HEBP2: variants seen among roughly 807,000 people sequenced by gnomAD.
The protein encoded by HEBP2 is heme-binding protein 2.
Under a neutral mutation model 23.1 loss-of-function variants are expected in HEBP2, and 27 were observed. The ratio of observed to expected loss-of-function variants is 1.17; its 90% CI spans 0.86 to 1.61. HEBP2 has a LOEUF of 1.61. Ranked by LOEUF, HEBP2 falls within the 40% of genes most tolerant of loss-of-function variation. HEBP2 has a pLI of 0.00. For missense variants in HEBP2, 245 were observed against 253.8 expected, an observed-to-expected ratio of 0.97 and a Z score of 0.24; for synonymous variants, 99 against 95.1, an observed-to-expected ratio of 1.04 and a Z score of -0.24.
At chr6:138,412,750 G>A (rs1003769773) in intron 3 of HEBP2, 130 bp from the exon 4 acceptor site, 74 of 758,530 alleles carry the variant, frequency 9.8e-5, no homozygotes, top group Admixed American at 2.5e-5. Flanking sequence ...CACCTCGCCT[G>A]GCCGAGAGGG....
At position 138,412,971 on chromosome 6, in the gene HEBP2, GAGA is replaced by G. The variant is rs1436896997; in HGVS notation, c.514_516del (p.Lys172del). Reference sequence around the variant, plus strand: ...AAGGGAAGATGGAAAAGTTTTCGATGAGAAGGTTTACTACACTGCAGGCTACAA... The same window carrying G: ...AAGGGAAGATGGAAAAGTTTTCGATGAGGTTTACTACACTGCAGGCTACAA... On this transcript the variant is annotated inframe_deletion, in exon 4 of 4. Coordinates refer to ENST00000607197, the MANE Select transcript of HEBP2 (RefSeq NM_014320.3). The G allele has an allele frequency of 1.9e-6, 3 of 1,614,068 alleles. No individual in the cohort carries two copies. The highest frequency in any genetic ancestry group is 2.2e-5 in the East Asian group (1 of 44,888).
At chr6:138,407,392 A>G (rs1442305911) in intron 3 of HEBP2, among the ~76,000 whole-genome samples, 4 of 152,236 alleles carry the variant, frequency 2.6e-5, no homozygotes, top group East Asian at 1.9e-4. Context: ...AGTAAGTTCT[A>G]AATCTTCAGA....
At chr6:138,403,845 G>A (rs573812078), upstream of HEBP2, 32 of 399,394 alleles carry the variant, frequency 8.0e-5, no homozygotes, top group Non-Finnish European at 1.3e-4. Flanking sequence ...TTCTCTCCAT[G>A]TGTCTGTGGT....
In HEBP2 at chr6:138,413,128, T is replaced by C. The variant is rs770538268; in HGVS notation, c.*50T>C. On this transcript the variant is annotated 3_prime_UTR_variant, in exon 4 of 4. Coordinates refer to ENST00000607197, the MANE Select transcript of HEBP2 (RefSeq NM_014320.3). ...TCAGAGGCAAAACATCTGTTTATCA[T>C]AGACATCAACATGACCTATAAGTAA... 6.3e-6 allele frequency: 9 copies of C among 1,417,558 alleles called. No individual in the cohort carries two copies. Among genetic ancestry groups the C allele is most frequent in the South Asian group, 5.8e-5 (5 of 85,504 alleles). 87.8% of individuals were successfully genotyped at this position (1,417,558 alleles called of 1,614,324 possible).
chr6:138,421,594 C>CCAT lies in HEBP2; in HGVS notation c.*8519_*8521dup, dbSNP rs1774931572. 1 of 152,110 alleles carries CCAT rather than the reference C, an allele frequency of 6.6e-6. No homozygotes were observed. The highest frequency in any genetic ancestry group is 2.4e-5 in the African/African-American group (1 of 41,414). The allele number at this position is 152,110 out of a possible 1,614,324, so 9.4% of individuals were successfully genotyped here. A position where few individuals can be genotyped will look rare whatever the true frequency, so the allele number is the denominator to read the frequency against. On this transcript the variant is annotated 3_prime_UTR_variant, in exon 4 of 4. Coordinates refer to ENST00000607197, the MANE Select transcript of HEBP2 (RefSeq NM_014320.3). ...AACTTAAAGTATGAGGGTATGAGAG[C>CCAT]CATCAGATCTACCCCTGTGGAGCTT...
Position 138,405,195 on chromosome 6 carries a change from G to T in HEBP2, c.153G>T (p.Thr51=), listed in dbSNP as rs760890007. 1.9e-6 allele frequency: 3 copies of T among 1,614,146 alleles called. No homozygotes were observed. The highest frequency in any genetic ancestry group is 1.7e-6 in the Non-Finnish European group (2 of 1,179,988). Residue 51 remains threonine, a synonymous_variant, in exon 2 of 4, where the codon ACG becomes ACT. Transcript: ENST00000607197. ...ATGGACCAGCCAAGTGGGTCAGCACGTCCGTGGAGTCTATGGACTGGGATT... is the reference window on the plus strand; with the variant it reads ...ATGGACCAGCCAAGTGGGTCAGCACTTCCGTGGAGTCTATGGACTGGGATT... The part of the protein sequence containing the change: ...RHYGPAKWVS[T]SVESMDWDSA...
In HEBP2 at chr6:138,405,124, GT is replaced by G. The variant is rs756926060; in HGVS notation, c.103-17del. The G allele has an allele frequency of 5.1e-5, 82 of 1,602,908 alleles. No homozygotes were observed. Among genetic ancestry groups the G allele is most frequent in the Non-Finnish European group, 6.6e-5 (78 of 1,176,928 alleles). On this transcript the variant is annotated intron_variant, in intron 1 of 3. Transcript: ENST00000607197. ...TACCCTCTTAGAATTGCTTCTCGAA[GT>G]TTTCTCTGTTCCACTTTAGCCCGGA... is the stretch of plus-strand genomic sequence containing the variant.
chr6:138,407,890 G>T (rs1216773531), intron 3 of HEBP2, among the ~76,000 whole-genome samples: 1 of 152,182 alleles, frequency 6.6e-6, no homozygotes, highest in Admixed American at 6.5e-5. Context: ...TGAACCTGGG[G>T]CATCCAAGGA....
chr6:138,409,370 CAATT>C (rs138478863), intron 3 of HEBP2, among the ~76,000 whole-genome samples: 4,948 of 152,284 alleles, frequency 0.032, 89 homozygotes, highest in South Asian at 0.043. Context: ...ATGTTCCTGA[CAATT>C]GATTGTCAAA....
chr6:138,410,932 A>T (rs1352103039), intron 3 of HEBP2, among the ~76,000 whole-genome samples: 1 of 152,210 alleles, frequency 6.6e-6, no homozygotes, highest in Non-Finnish European at 1.5e-5. Context: ...ATTAAAAGGG[A>T]ACTGCATGCC....
In HEBP2 at chr6:138,421,476, A is replaced by G. The variant is rs1355005564; in HGVS notation, c.*8398A>G. 3.9e-5 allele frequency: 6 copies of G among 152,316 alleles called. No homozygotes were observed. The South Asian group carries it at 6.2e-4, about 16-fold the overall frequency. 9.4% of individuals were successfully genotyped at this position (152,316 alleles called of 1,614,324 possible). A position where few individuals can be genotyped will look rare whatever the true frequency, so the allele number is the denominator to read the frequency against. On this transcript the variant is annotated 3_prime_UTR_variant, in exon 4 of 4. Coordinates refer to ENST00000607197, the MANE Select transcript of HEBP2 (RefSeq NM_014320.3). ...GCAGATCGCATTGAGGTTGTTTCCA[A>G]CTGACAGACCAAGCAGTAATTTGTT...
Position 138,421,630 on chromosome 6 carries a change from G to A in HEBP2, c.*8552G>A, listed in dbSNP as rs1024837134. The A allele has an allele frequency of 2.0e-5, 3 of 152,128 alleles. No homozygotes were observed. Among genetic ancestry groups the A allele is most frequent in the Non-Finnish European group, 2.9e-5 (2 of 68,018 alleles). 9.4% of individuals were successfully genotyped at this position (152,128 alleles called of 1,614,324 possible). A position where few individuals can be genotyped will look rare whatever the true frequency, so the allele number is the denominator to read the frequency against. On this transcript the variant is annotated 3_prime_UTR_variant, in exon 4 of 4. Transcript: ENST00000607197. ...ACCCCTGTGGAGCTTTTTAAGATGC[G>A]GTCCATAACAGAAGCGGGCCCCAAG...
Position 138,409,967 on chromosome 6 carries a change from T to C in HEBP2, c.420-2913T>C, listed in dbSNP as rs77945780. On this transcript the variant is annotated intron_variant, in intron 3 of 3. Coordinates refer to ENST00000607197, the MANE Select transcript of HEBP2 (RefSeq NM_014320.3). ...CATGAAGATCGGATGAGTTAATTTA[T>C]GTAAAACACTTGGAACATGAGCATC... Among the ~76,000 whole-genome samples, 837 of 152,342 alleles carry C rather than the reference T, an allele frequency of 5.5e-3. 10 individuals carry two copies. The highest frequency in any genetic ancestry group is 0.018 in the African/African-American group (748 of 41,576).
chr6:138,404,716 A>T, intron 1 of HEBP2, 119 bp downstream of exon 1: 2 of 588,838 alleles, frequency 3.4e-6, no homozygotes, highest in Non-Finnish European at 5.1e-6. Context: ...CCCAGTCCCT[A>T]CCCACTATGC....
intron 3 of HEBP2, among the ~76,000 whole-genome samples, chr6:138,408,758 C>G (rs1774692879): frequency 6.6e-6 from 1 of 152,194 alleles, no homozygotes; most frequent in South Asian, 2.1e-4. Context: ...ACCCTAGGAT[C>G]ACTGTCGATG....
chr6:138,411,605 C>A (rs1026698225), intron 3 of HEBP2, among the ~76,000 whole-genome samples: 3 of 152,150 alleles, frequency 2.0e-5, no homozygotes, highest in Non-Finnish European at 4.4e-5. Flanking sequence ...TTCTCCTTAC[C>A]CCAGATTTAA....
Position 138,413,094 on chromosome 6 carries a change from G to C in HEBP2, c.*16G>C. ...AAACGAATGAGAAAAATGAAAGGAA[G>C]TTCTGCTGTCAGAGGCAAAACATCT... On this transcript the variant is annotated 3_prime_UTR_variant, in exon 4 of 4. Coordinates refer to ENST00000607197, the MANE Select transcript of HEBP2 (RefSeq NM_014320.3). 4 of 1,599,906 alleles carry C rather than the reference G, an allele frequency of 2.5e-6. No individual in the cohort carries two copies. The highest frequency in any genetic ancestry group is 3.4e-6 in the Non-Finnish European group (4 of 1,168,532).
rs1352264814 is a variant in HEBP2 at position 138,413,873 on chromosome 6, A to C, written c.*795A>C. The stretch of plus-strand genomic sequence containing the variant: ...CCAACAACATCTTTCCACCTCCTTA[A>C]CTATTTCATTCACCCTCCCACTGTG... On this transcript the variant is annotated 3_prime_UTR_variant, in exon 4 of 4. Coordinates refer to ENST00000607197, the MANE Select transcript of HEBP2 (RefSeq NM_014320.3). 6.6e-6 allele frequency: 1 copy of C among 152,206 alleles called. No individual in the cohort carries two copies. Among genetic ancestry groups the C allele is most frequent in the Non-Finnish European group, 1.5e-5 (1 of 68,058 alleles). The allele number at this position is 152,206 out of a possible 1,614,324, so 9.4% of individuals were successfully genotyped here.
chr6:138,404,832 A>G (rs1464340509), intron 1 of HEBP2, among the ~76,000 whole-genome samples: 3 of 152,176 alleles, frequency 2.0e-5, no homozygotes, highest in Non-Finnish European at 4.4e-5. Context: ...GCGGGGAGGA[A>G]CTGGTTACGT....
Sources: gnomAD v4.1 joint callset for allele counts (sites outside exome capture counted in the v4.1 genomes callset) on GRCh38, gnomAD v4.1.1 for gene constraint, MANE v1.5 for transcripts, NCBI Gene and HGNC (gene_info 2026-07-23, HGNC 2026-07-21) for gene names.